RGSL1: variants seen among roughly 807,000 people sequenced by gnomAD.
RGSL1 encodes regulator of G protein signaling like 1, also known as regulator of G protein signaling protein-like.
Under a neutral mutation model 124.7 loss-of-function variants are expected in RGSL1, and 97 were observed. The ratio of observed to expected loss-of-function variants is 0.78; its 90% confidence interval spans 0.66 to 0.92. The LOEUF is 0.92. Ranked by LOEUF, RGSL1 falls within the 40% of genes least tolerant of loss-of-function variation. RGSL1 has a pLI of 0.00. For synonymous variants in RGSL1, 424 were observed against 438.1 expected (o/e 0.97, Z 0.40); for missense variants, 1,233 against 1,288.4 (o/e 0.96, Z 0.66).
intron 4 of RGSL1, among the ~76,000 whole-genome samples, chr1:182,461,674 AC>A (rs1423860405): frequency 3.3e-5 from 5 of 152,214 alleles, no homozygotes; most frequent in Admixed American, 1.3e-4. Context: ...CCTTAAAAAA[AC>A]AAAAGTAATT....
chr1:182,472,088 T>C (rs1653893577), intron 4 of RGSL1, among the ~76,000 whole-genome samples: 1 of 152,180 alleles, frequency 6.6e-6, no homozygotes, highest in African/African-American at 2.4e-5. Context: ...CTTCATTTTT[T>C]TTGGACAAAA....
At chr1:182,488,187 A>G (rs779057311) in intron 6 of RGSL1, 98 bp from the exon 7 acceptor site, 215 of 1,188,842 alleles carry the variant, frequency 1.8e-4, no homozygotes, top group Non-Finnish European at 2.4e-4. Context: ...CAGAACCCAG[A>G]ATCTTCAGCC....
intron 4 of RGSL1, among the ~76,000 whole-genome samples, chr1:182,469,585 A>G (rs993283818): frequency 2.6e-5 from 4 of 152,190 alleles, no homozygotes; most frequent in African/African-American, 9.6e-5. Context: ...AAACTGTGGA[A>G]AATAGCATGG....
At chr1:182,481,130 A>T (rs1170133521) in intron 6 of RGSL1, among the ~76,000 whole-genome samples, 1 of 152,182 alleles carries the variant, frequency 6.6e-6, no homozygotes, top group Non-Finnish European at 1.5e-5. Flanking sequence ...AATGGAGAAT[A>T]GAAAATCAAT....
chr1:182,497,415 A>T (rs756718461), intron 9 of RGSL1, among the ~76,000 whole-genome samples: 5 of 150,852 alleles, frequency 3.3e-5, no homozygotes, highest in Non-Finnish European at 5.9e-5. Context: ...CAGATATATT[A>T]TATATCTGAA....
At chr1:182,540,991 T>C (rs984561847) in intron 15 of RGSL1, among the ~76,000 whole-genome samples, 7 of 152,204 alleles carry the variant, frequency 4.6e-5, no homozygotes, top group African/African-American at 1.7e-4. Context: ...ATTTACATAT[T>C]TTGGAGATGT....
chr1:182,455,661 A>G (rs977936767), intron 2 of RGSL1, among the ~76,000 whole-genome samples: 4 of 152,230 alleles, frequency 2.6e-5, no homozygotes. Flanking sequence ...AAAGCATTAT[A>G]GACAGAACAG....
At chr1:182,453,154 T>A (rs1651987361) in intron 1 of RGSL1, among the ~76,000 whole-genome samples, 1 of 152,232 alleles carries the variant, frequency 6.6e-6, no homozygotes, top group African/African-American at 2.4e-5. Flanking sequence ...GGCAGCACGA[T>A]GATCACACCT....
intron 9 of RGSL1, among the ~76,000 whole-genome samples, chr1:182,514,984 G>T (rs573858388): frequency 6.6e-6 from 1 of 152,192 alleles, no homozygotes; most frequent in Non-Finnish European, 1.5e-5. Context: ...GAAAGTAGAA[G>T]TGTCCCTCAT....
At chr1:182,454,301 T>G (rs571977201) in intron 2 of RGSL1, among the ~76,000 whole-genome samples, 1 of 152,282 alleles carries the variant, frequency 6.6e-6, no homozygotes, top group African/African-American at 2.4e-5. Flanking sequence ...CAAAGTTACT[T>G]CTCATCATAC....
intron 9 of RGSL1, among the ~76,000 whole-genome samples, chr1:182,501,302 C>CTT (rs1656351321): frequency 1.3e-4 from 7 of 54,164 alleles, no homozygotes; most frequent in Non-Finnish European, 2.2e-4. Flanking sequence ...TTTCTTTTTT[C>CTT]TTTTCTTTTT....
intron 9 of RGSL1, among the ~76,000 whole-genome samples, chr1:182,495,620 G>A (rs770308811): frequency 8.5e-5 from 13 of 152,274 alleles, no homozygotes; most frequent in Non-Finnish European, 1.8e-4. Context: ...TGCTTATGGC[G>A]TTGCAGGGGA....
intron 15 of RGSL1, among the ~76,000 whole-genome samples, chr1:182,542,245 T>A (rs774496243): frequency 6.6e-6 from 1 of 152,164 alleles, no homozygotes; most frequent in Non-Finnish European, 1.5e-5. Flanking sequence ...TTGTATATGG[T>A]GAGAGATAGG....
chr1:182,494,478 A>G (rs965269056), intron 9 of RGSL1, among the ~76,000 whole-genome samples: 4 of 152,010 alleles, frequency 2.6e-5, no homozygotes, highest in Non-Finnish European at 5.9e-5. Flanking sequence ...AATTAATTTC[A>G]CCCTTTTCTT....
intron 9 of RGSL1, among the ~76,000 whole-genome samples, chr1:182,510,900 T>C (rs546350515): frequency 6.6e-6 from 1 of 152,296 alleles, no homozygotes; most frequent in African/African-American, 2.4e-5. Context: ...TTTTGATAAT[T>C]GTTTTTGTTA....
intron 18 of RGSL1, among the ~76,000 whole-genome samples, chr1:182,552,486 T>G (rs151329949): frequency 2.6e-4 from 40 of 152,278 alleles, no homozygotes; most frequent in African/African-American, 9.6e-4. Context: ...TGGGTGTCTT[T>G]CAGGGGAAAG....
upstream of RGSL1, chr1:182,447,897 A>G (rs566113614): frequency 6.6e-6 from 1 of 151,982 alleles, no homozygotes; most frequent in East Asian, 1.9e-4. Flanking sequence ...GCCTAAAATG[A>G]GCCATCATGG....
intron 6 of RGSL1, among the ~76,000 whole-genome samples, chr1:182,482,596 G>A (rs558108832): frequency 6.6e-6 from 1 of 152,290 alleles, no homozygotes; most frequent in South Asian, 2.1e-4. Context: ...AAAAACAGTT[G>A]TGATTCTATA....
intron 9 of RGSL1, among the ~76,000 whole-genome samples, chr1:182,504,214 C>T (rs1230935303): frequency 6.6e-6 from 1 of 152,044 alleles, no homozygotes; most frequent in Admixed American, 6.6e-5. Flanking sequence ...CTCCTGACCT[C>T]AGGTGATCCG....
Sources: gnomAD v4.1 joint callset for allele counts (sites outside exome capture counted in the v4.1 genomes callset) on GRCh38, gnomAD v4.1.1 for gene constraint, MANE v1.5 for transcripts, NCBI Gene and HGNC (gene_info 2026-07-23, HGNC 2026-07-21) for gene names.